The following ARHGAP15 variants were observed in gnomAD, a reference collection of about 807,000 sequenced individuals.
ARHGAP15 encodes Rho GTPase activating protein 15, also known as rho GTPase-activating protein 15.
A neutral mutation model predicts 63.7 loss-of-function variants in ARHGAP15; 51 were observed. The observed-to-expected ratio is 0.80, with a 90% CI of 0.64 to 1.01. The LOEUF is 1.01. Ranked by LOEUF, ARHGAP15 falls within the 50% of genes least tolerant of loss-of-function variation. ARHGAP15 has a pLI of 0.00. For synonymous variants in ARHGAP15, 191 were observed against 193.8 expected, an observed-to-expected ratio of 0.99 and a Z score of 0.12; for missense variants, 560 against 564.6, an observed-to-expected ratio of 0.99 and a Z score of 0.08.
At chr2:143,221,420 A>G (rs1692994422) in intron 4 of ARHGAP15, among the ~76,000 whole-genome samples, 1 of 152,184 alleles carries the variant, frequency 6.6e-6, no homozygotes, top group Admixed American at 6.5e-5. Context: ...CATTTCCCCA[A>G]CAATACACTG....
chr2:143,220,490 C>A (rs180710654), intron 4 of ARHGAP15, among the ~76,000 whole-genome samples: 10 of 152,146 alleles, frequency 6.6e-5, no homozygotes, highest in Non-Finnish European at 1.2e-4. Context: ...GGATTACAGG[C>A]GTGAGCAATA....
At chr2:143,359,727 C>G (rs1685958491) in intron 6 of ARHGAP15, among the ~76,000 whole-genome samples, 1 of 152,076 alleles carries the variant, frequency 6.6e-6, no homozygotes. Context: ...AAATATTATG[C>G]TTAGTTTTTA....
At chr2:143,754,680 G>C (rs1045715801) in intron 13 of ARHGAP15, among the ~76,000 whole-genome samples, 1 of 152,204 alleles carries the variant, frequency 6.6e-6, no homozygotes, top group Non-Finnish European at 1.5e-5. Flanking sequence ...GGATTAGCAA[G>C]GACCAGGGCC....
chr2:143,643,453 A>G (rs150450355), intron 12 of ARHGAP15, among the ~76,000 whole-genome samples: 1 of 140,164 alleles, frequency 7.1e-6, no homozygotes, highest in East Asian at 2.4e-4. Flanking sequence ...AAAAAGTTAT[A>G]GAGTGTTACT....
At chr2:143,696,376 AAT>A (rs1491378116) in intron 12 of ARHGAP15, among the ~76,000 whole-genome samples, 1 of 149,418 alleles carries the variant, frequency 6.7e-6, no homozygotes, top group Non-Finnish European at 1.5e-5. Context: ...ATAGATATAT[AAT>A]ATATATATAA....
At chr2:143,249,273 C>CA (rs915996532) in intron 5 of ARHGAP15, among the ~76,000 whole-genome samples, 20 of 150,558 alleles carry the variant, frequency 1.3e-4, no homozygotes, top group East Asian at 1.2e-3. Flanking sequence ...TACAATGTTT[C>CA]AAAAAAAAAT....
At chr2:143,746,226 A>G (rs529277606) in intron 13 of ARHGAP15, among the ~76,000 whole-genome samples, 2 of 151,976 alleles carry the variant, frequency 1.3e-5, no homozygotes, top group Non-Finnish European at 2.9e-5. Context: ...GTAATTTCAC[A>G]CTCTCATAAA....
At chr2:143,429,058 A>C (rs1056976990) in intron 6 of ARHGAP15, among the ~76,000 whole-genome samples, 1 of 152,150 alleles carries the variant, frequency 6.6e-6, no homozygotes, top group African/African-American at 2.4e-5. Context: ...GTCGTTTTTC[A>C]TATGAGCACC....
At chr2:143,312,415 G>T (rs1558884448) in intron 6 of ARHGAP15, among the ~76,000 whole-genome samples, 1 of 151,218 alleles carries the variant, frequency 6.6e-6, no homozygotes, top group Non-Finnish European at 1.5e-5. Flanking sequence ...TTGATCGTAT[G>T]TTTTCTTTAG....
intron 12 of ARHGAP15, among the ~76,000 whole-genome samples, chr2:143,670,457 G>T (rs955463818): frequency 3.3e-5 from 5 of 152,126 alleles, no homozygotes; most frequent in African/African-American, 1.2e-4. Flanking sequence ...GAAGATCAGG[G>T]ATCTACCTAA....
chr2:143,346,236 TCA>T (rs1050451199), intron 6 of ARHGAP15, among the ~76,000 whole-genome samples: 39 of 82,612 alleles, frequency 4.7e-4, no homozygotes, highest in Non-Finnish European at 8.5e-4. Flanking sequence ...ACACTCTCTC[TCA>T]CACACACACA....
intron 9 of ARHGAP15, among the ~76,000 whole-genome samples, chr2:143,503,268 T>C (rs538383329): frequency 6.6e-6 from 1 of 152,274 alleles, no homozygotes; most frequent in South Asian, 2.1e-4. Context: ...ATGAAGAAAA[T>C]CTTTTTCTTT....
intron 4 of ARHGAP15, among the ~76,000 whole-genome samples, chr2:143,221,854 G>A (rs1423841096): frequency 1.3e-5 from 2 of 152,178 alleles, no homozygotes; most frequent in Non-Finnish European, 2.9e-5. Context: ...ATTGTGCAGT[G>A]GTTACGTCTA....
chr2:143,451,539 C>G (rs11894303), intron 8 of ARHGAP15, among the ~76,000 whole-genome samples: 14,475 of 151,552 alleles, frequency 0.096, 869 homozygotes, highest in African/African-American at 0.17. Context: ...GTATTTTTTT[C>G]TATGAAAAAA....
intron 13 of ARHGAP15, among the ~76,000 whole-genome samples, chr2:143,729,543 A>G (rs1039226333): frequency 2.6e-5 from 4 of 152,192 alleles, no homozygotes; most frequent in Non-Finnish European, 5.9e-5. Flanking sequence ...ACTGCTTTTG[A>G]TGATTTCCAC....
chr2:143,324,994 C>G (rs1684188478), intron 6 of ARHGAP15, among the ~76,000 whole-genome samples: 1 of 152,118 alleles, frequency 6.6e-6, no homozygotes, highest in Admixed American at 6.5e-5. Flanking sequence ...CAATAGGTCA[C>G]AAGTCATGGC....
intron 10 of ARHGAP15, among the ~76,000 whole-genome samples, chr2:143,526,879 T>G (rs537900736): frequency 1.1e-3 from 163 of 152,298 alleles, no homozygotes; most frequent in African/African-American, 3.8e-3. Context: ...ATGAACTGAT[T>G]GATTAAAAAT....
intron 8 of ARHGAP15, among the ~76,000 whole-genome samples, chr2:143,438,294 T>C (rs1417623780): frequency 1.3e-5 from 2 of 152,158 alleles, no homozygotes; most frequent in Non-Finnish European, 2.9e-5. Flanking sequence ...TATGTATGTA[T>C]GCTAGATGAT....
intron 6 of ARHGAP15, among the ~76,000 whole-genome samples, chr2:143,300,426 T>C (rs1682843871): frequency 6.6e-6 from 1 of 152,060 alleles, no homozygotes; most frequent in Admixed American, 6.6e-5. Context: ...TCCATTTGGT[T>C]GTCCATATAG....
Sources: allele counts gnomAD v4.1 joint callset (sites outside exome capture counted in the v4.1 genomes callset), GRCh38; gene constraint gnomAD v4.1.1; transcripts MANE v1.5; gene names NCBI Gene and HGNC (gene_info 2026-07-23, HGNC 2026-07-21).